PCM1: variants seen among roughly 807,000 people sequenced by gnomAD.
PCM1 encodes the protein pericentriolar material 1, also known as pericentriolar material 1 protein.
A neutral mutation model predicts 241.9 loss-of-function variants in PCM1; 157 were observed. The observed-to-expected ratio is 0.65, with a 90% CI of 0.57 to 0.74. PCM1 has a LOEUF of 0.74. Among genes scored for constraint, PCM1 ranks in the 30% least tolerant of loss-of-function variants. The probability of loss-of-function intolerance (pLI) is 0.00; values close to 1 mark genes in which losing one functional copy is unlikely to be tolerated. For missense variants in PCM1, 3,478 were observed against 2,360.1 expected (o/e 1.47, Z -9.81); for synonymous variants, 1,085 against 784.9 (o/e 1.38, Z -6.39).
Position 18,028,840 on chromosome 8 carries a change from G to C in PCM1, c.*1178G>C. The stretch of plus-strand genomic sequence containing the variant: ...ATACCCCATAAAAAAAGAACTTGTT[G>C]AGAGTATTTCTTTAAAATGGTTACT... On this transcript the variant is annotated 3_prime_UTR_variant, in exon 39 of 39. Coordinates refer to ENST00000325083, the MANE Select transcript of PCM1 (RefSeq NM_006197.4). 5.4e-6 allele frequency: 1 copy of C among 185,186 alleles called. No homozygotes were observed. Among genetic ancestry groups the C allele is most frequent in the East Asian group, 8.7e-5 (1 of 11,448 alleles). The allele number at this position is 185,186 out of a possible 1,614,324, so 11.5% of individuals were successfully genotyped here. A position where few individuals can be genotyped will look rare whatever the true frequency, so the allele number is the denominator to read the frequency against.
intron 8 of PCM1, among the ~76,000 whole-genome samples, chr8:17,952,340 G>A (rs563002891): frequency 6.6e-6 from 1 of 152,150 alleles, no homozygotes; most frequent in Non-Finnish European, 1.5e-5. Flanking sequence ...TAGAAAGAAG[G>A]CAAGAGAGAG....
intron 26 of PCM1, among the ~76,000 whole-genome samples, chr8:17,987,389 A>G (rs546608630): frequency 6.6e-6 from 1 of 151,866 alleles, no homozygotes; most frequent in Admixed American, 6.6e-5. Context: ...CAGTGCTTTC[A>G]CTTTTATCCA....
chr8:17,939,545 C>T (rs941711321), intron 5 of PCM1, 146 bp from the exon 6 acceptor site: 4 of 430,576 alleles, frequency 9.3e-6, no homozygotes, highest in Non-Finnish European at 1.6e-5. Context: ...AGATTTTTTG[C>T]ATGTGTTAAT....
Position 17,972,497 on chromosome 8 carries a change from C to G in PCM1, c.3753C>G (p.Arg1251=), listed in dbSNP as rs768252499. 8 of 1,613,870 alleles carry G rather than the reference C, an allele frequency of 5.0e-6. No homozygotes were observed. Among genetic ancestry groups the G allele is most frequent in the South Asian group, 4.4e-5 (4 of 91,078 alleles). The change falls in exon 23 of 39, where the codon CGC becomes CGG. Residue 1251 remains arginine (R), a synonymous_variant. Coordinates refer to ENST00000325083, the MANE Select transcript of PCM1 (RefSeq NM_006197.4). ...AATTAGATACAAACGGAAGAAGACG[C>G]CAGTTTGATGAAGAATCACTGGAAA... ...KNQLDTNGRR[R]QFDEESLESF...
At chr8:17,980,920 CTG>C (rs752296661) in intron 24 of PCM1, among the ~76,000 whole-genome samples, 165 bp downstream of exon 24, 2 of 152,104 alleles carry the variant, frequency 1.3e-5, no homozygotes, top group Non-Finnish European at 1.5e-5. Context: ...AAAATAAAAA[CTG>C]AAAATATTTT....
chr8:18,027,658 TATGAG>T lies in PCM1; in HGVS notation c.6075_*4del. ...TCAGAAACGGTGGGAGCCCAGAGTATATGAGATGTCTTCAGAGGCTCATCTAACTC... is the reference window on the plus strand; with the variant it reads ...TCAGAAACGGTGGGAGCCCAGAGTATATGTCTTCAGAGGCTCATCTAACTC... On this transcript the variant is annotated stop_lost and 3_prime_UTR_variant, in exon 39 of 39. Transcript: ENST00000325083. 1 of 1,589,628 alleles carries T rather than the reference TATGAG, an allele frequency of 6.3e-7. No individual in the cohort carries two copies. The highest frequency in any genetic ancestry group is 8.6e-7 in the Non-Finnish European group (1 of 1,162,784).
chr8:17,944,692 A>C (rs945064586), intron 6 of PCM1, among the ~76,000 whole-genome samples: 3 of 151,996 alleles, frequency 2.0e-5, no homozygotes, highest in Non-Finnish European at 4.4e-5. Flanking sequence ...TATTACTCCT[A>C]CCTAGATATT....
At position 17,956,925 on chromosome 8, in the gene PCM1, C is replaced by T. The variant is rs2068778660; in HGVS notation, c.1646+148C>T. On this transcript the variant is annotated intron_variant, in intron 11 of 38. Coordinates refer to ENST00000325083, the MANE Select transcript of PCM1 (RefSeq NM_006197.4). ...TTTGGTCAGTGTAATCATCTCTGCCCTGTGAAGAAAGATGAATAGGGAAGT... is the reference window on the plus strand; with the variant it reads ...TTTGGTCAGTGTAATCATCTCTGCCTTGTGAAGAAAGATGAATAGGGAAGT... 6 of 675,366 alleles carry T rather than the reference C, an allele frequency of 8.9e-6. No homozygotes were observed. In the South Asian group the frequency reaches 9.8e-5, roughly 11 times the overall value. 41.8% of individuals were successfully genotyped at this position (675,366 alleles called of 1,614,324 possible).
intron 36 of PCM1, 164 bp from the exon 37 acceptor site, chr8:18,025,197 T>TA (rs34057088): frequency 0.74 from 252,291 of 342,042 alleles, 97,906 homozygotes; most frequent in African/African-American, 0.78. Flanking sequence ...ACAGCTGTGA[T>TA]TGTAGCTTTT....
In PCM1 at chr8:18,018,889, TATAC is replaced by T. The variant is rs2093511120; in HGVS notation, c.5841+4055_5841+4058del. On this transcript the variant is annotated intron_variant, in intron 36 of 38. Transcript: ENST00000325083. ...ATATATATATATATATACACACACA[TATAC>T]ATACACATATATATATATAAATATA... Among the ~76,000 whole-genome samples the T allele has an allele frequency of 5.6e-5, 5 of 88,584 alleles. No homozygotes were observed. The South Asian group carries it at 1.6e-3, about 28-fold the overall frequency. 58.1% of individuals were successfully genotyped at this position (88,584 alleles called of 152,430 possible).
chr8:17,999,128 C>T (rs962108718), intron 29 of PCM1, among the ~76,000 whole-genome samples: 17 of 152,060 alleles, frequency 1.1e-4, no homozygotes, highest in Admixed American at 7.9e-4. Context: ...CAGGAGCCTG[C>T]TTGGTGCTCT....
At chr8:17,948,154 G>T (rs377125244) in intron 7 of PCM1, among the ~76,000 whole-genome samples, 25 of 152,162 alleles carry the variant, frequency 1.6e-4, no homozygotes, top group African/African-American at 5.8e-4. Flanking sequence ...GAGTGAGTTA[G>T]GTTCTCACTG....
intron 36 of PCM1, among the ~76,000 whole-genome samples, chr8:18,021,328 G>A (rs867661359): frequency 6.6e-6 from 1 of 152,160 alleles, no homozygotes; most frequent in Non-Finnish European, 1.5e-5. Flanking sequence ...TTACAGCAGT[G>A]TGGCTTGTCA....
At chr8:17,943,330 T>C (rs903617776) in intron 6 of PCM1, among the ~76,000 whole-genome samples, 5 of 152,094 alleles carry the variant, frequency 3.3e-5, no homozygotes, top group African/African-American at 1.2e-4. Flanking sequence ...ATATCAAATA[T>C]CAAGTAAAAT....
intron 16 of PCM1, chr8:17,962,882 G>T: frequency 2.5e-6 from 1 of 403,520 alleles, no homozygotes; most frequent in Non-Finnish European, 4.4e-6. Flanking sequence ...CAGCCCAGAT[G>T]ACAGAGTGAG....
intron 6 of PCM1, among the ~76,000 whole-genome samples, chr8:17,940,711 G>A (rs952060384): frequency 1.3e-5 from 2 of 152,192 alleles, no homozygotes; most frequent in African/African-American, 4.8e-5. Context: ...GAAAAATGCT[G>A]TAATTGCTGA....
intron 23 of PCM1, chr8:17,980,367 G>A (rs552272099): frequency 7.9e-6 from 3 of 377,752 alleles, no homozygotes; most frequent in African/African-American, 6.2e-5. Context: ...ATTAAGATGA[G>A]TATCAAAGAA....
At chr8:17,939,042 A>T (rs374444912) in intron 5 of PCM1, 33 bp downstream of exon 5, 25 of 1,606,128 alleles carry the variant, frequency 1.6e-5, no homozygotes, top group Non-Finnish European at 2.0e-5. Context: ...CTCATTCTTT[A>T]CACAAACCTC....
At chr8:17,991,845 C>A in intron 28 of PCM1, 145 bp downstream of exon 28, 1 of 522,306 alleles carries the variant, frequency 1.9e-6, no homozygotes, top group Non-Finnish European at 3.3e-6. Flanking sequence ...TGTTTGATCC[C>A]TCACCCCCTT....
Sources: allele counts gnomAD v4.1 joint callset (sites outside exome capture counted in the v4.1 genomes callset), GRCh38; gene constraint gnomAD v4.1.1; transcripts MANE v1.5; gene names NCBI Gene and HGNC (gene_info 2026-07-23, HGNC 2026-07-21).